Variants in TNR observed in about 807,000 individuals in gnomAD.
TNR encodes the protein tenascin-R.
TNR carries 45 observed loss-of-function variants against 150.4 expected under a neutral mutation model. The ratio of observed to expected loss-of-function variants is 0.30; its 90% CI spans 0.24 to 0.38. TNR has a LOEUF of 0.38. Among genes scored for constraint, TNR ranks in the 10% least tolerant of loss-of-function variants. The probability of loss-of-function intolerance (pLI) is 1.00; values close to 1 mark genes in which losing one functional copy is unlikely to be tolerated. For missense variants in TNR, 1,544 were observed against 1,759.1 expected (o/e 0.88, Z 2.19); for synonymous variants, 687 against 678.4 (o/e 1.01, Z -0.20).
chr1:175,594,607 T>C (rs1017736017), intron 1 of TNR, among the ~76,000 whole-genome samples: 2 of 152,128 alleles, frequency 1.3e-5, no homozygotes, highest in African/African-American at 4.8e-5. Flanking sequence ...GTAATCGCAA[T>C]ACTTTGGGAG....
intron 5 of TNR, among the ~76,000 whole-genome samples, chr1:175,394,433 T>C (rs937286927): frequency 6.6e-6 from 1 of 152,180 alleles, no homozygotes; most frequent in Non-Finnish European, 1.5e-5. Flanking sequence ...CTGATGCACA[T>C]TGAGAGTATT....
At chr1:175,359,800 A>C in intron 14 of TNR, 69 bp from the exon 15 acceptor site, 74 of 1,527,066 alleles carry the variant, frequency 4.8e-5, no homozygotes, top group Middle Eastern at 2.0e-4. Context: ...GAATGATCTC[A>C]GAAGTTCCAC....
chr1:175,737,957 C>A (rs1367044323), intron 1 of TNR, among the ~76,000 whole-genome samples: 8 of 152,214 alleles, frequency 5.3e-5, no homozygotes, highest in Non-Finnish European at 1.0e-4. Context: ...CCTCTTCCTG[C>A]CTGCTAGTAC....
At chr1:175,452,131 C>T (rs551927159) in intron 2 of TNR, among the ~76,000 whole-genome samples, 1 of 152,354 alleles carries the variant, frequency 6.6e-6, no homozygotes, top group South Asian at 2.1e-4. Flanking sequence ...TGCCTCCCTT[C>T]TGTCAGCTTC....
chr1:175,615,497 T>C (rs1663743107), intron 1 of TNR, among the ~76,000 whole-genome samples: 1 of 152,196 alleles, frequency 6.6e-6, no homozygotes. Context: ...AGGGATCCAA[T>C]GCCTGGAGGA....
chr1:175,366,913 C>A (rs1389570199), intron 10 of TNR, among the ~76,000 whole-genome samples: 1 of 152,198 alleles, frequency 6.6e-6, no homozygotes, highest in Admixed American at 6.5e-5. Context: ...ATATGGCCTG[C>A]AATGGCATCA....
At chr1:175,560,097 T>G (rs1372008658) in intron 1 of TNR, among the ~76,000 whole-genome samples, 1 of 152,216 alleles carries the variant, frequency 6.6e-6, no homozygotes, top group Non-Finnish European at 1.5e-5. Flanking sequence ...CCTTAAGTGT[T>G]TTTCACATGA....
At chr1:175,601,145 G>T (rs1223769179) in intron 1 of TNR, among the ~76,000 whole-genome samples, 3 of 152,172 alleles carry the variant, frequency 2.0e-5, no homozygotes, top group African/African-American at 7.2e-5. Flanking sequence ...TCTTCTGTTT[G>T]TGTTTAGCTG....
intron 1 of TNR, among the ~76,000 whole-genome samples, chr1:175,557,666 T>A (rs1661225693): frequency 6.6e-6 from 1 of 150,612 alleles, no homozygotes; most frequent in South Asian, 2.2e-4. Flanking sequence ...ACTTTTACAC[T>A]GTTGGTGGGA....
At chr1:175,668,058 A>G (rs549305319) in intron 1 of TNR, among the ~76,000 whole-genome samples, 13 of 152,318 alleles carry the variant, frequency 8.5e-5, no homozygotes, top group African/African-American at 2.9e-4. Context: ...CAAGGTCCCC[A>G]GGTGGTTCAT....
intron 1 of TNR, among the ~76,000 whole-genome samples, chr1:175,567,337 T>A (rs578027313): frequency 6.6e-6 from 1 of 152,170 alleles, no homozygotes; most frequent in Non-Finnish European, 1.5e-5. Flanking sequence ...CTGACAGTGC[T>A]GCGGGCTGAT....
At chr1:175,739,510 A>G (rs1243370571) in intron 1 of TNR, among the ~76,000 whole-genome samples, 1 of 152,016 alleles carries the variant, frequency 6.6e-6, no homozygotes, top group Admixed American at 6.6e-5. Flanking sequence ...ACACACACAC[A>G]CACGCACGCA....
chr1:175,330,801 G>T (rs937357810), intron 20 of TNR, among the ~76,000 whole-genome samples: 5 of 152,206 alleles, frequency 3.3e-5, no homozygotes, highest in South Asian at 4.1e-4. Flanking sequence ...TCTGCCTCCT[G>T]ACTCCAGTCC....
In TNR at chr1:175,656,384, T is replaced by G. The variant is rs111643894; in HGVS notation, c.-165+86842A>C. ...TCAGACGAAAATATTTTTCAGTTCC[T>G]ACTGACCGGACCTGGGTCTGAACCA... On this transcript the variant is annotated intron_variant, in intron 1 of 22. Coordinates refer to ENST00000367674, the MANE Select transcript of TNR (RefSeq NM_003285.3). Among the ~76,000 whole-genome samples the G allele has an allele frequency of 3.5e-3, 529 of 152,268 alleles. 4 individuals carry two copies. The highest frequency in any genetic ancestry group is 0.012 in the African/African-American group (513 of 41,544).
At chr1:175,565,530 T>C (rs939966998) in intron 1 of TNR, among the ~76,000 whole-genome samples, 33 of 152,122 alleles carry the variant, frequency 2.2e-4, no homozygotes, top group African/African-American at 7.7e-4. Context: ...CCCTAGAAAA[T>C]GTCCTCCCAG....
chr1:175,547,597 GAAAGAAAGAA>G (rs1660746458), intron 1 of TNR, among the ~76,000 whole-genome samples: 1 of 24,316 alleles, frequency 4.1e-5, no homozygotes, highest in Non-Finnish European at 1.4e-4. Flanking sequence ...AAGAAAGAAA[GAAAGAAAGAA>G]AGAAACAAAG....
intron 2 of TNR, among the ~76,000 whole-genome samples, chr1:175,526,261 G>T (rs904924670): frequency 6.6e-6 from 1 of 151,806 alleles, no homozygotes; most frequent in African/African-American, 2.4e-5. Flanking sequence ...AAAGTAAATG[G>T]CTAAATAATA....
intron 1 of TNR, among the ~76,000 whole-genome samples, chr1:175,601,919 T>C (rs948371889): frequency 1.3e-5 from 2 of 152,042 alleles, no homozygotes; most frequent in African/African-American, 4.8e-5. Context: ...AGAAAAGCCA[T>C]GAATAAATGC....
chr1:175,324,567 A>G (rs1158014878), intron 21 of TNR, 48 bp from the exon 22 acceptor site: 3 of 1,595,786 alleles, frequency 1.9e-6, no homozygotes, highest in Non-Finnish European at 2.6e-6. Flanking sequence ...TCACTGCTTT[A>G]TCAGGATTTT....
Sources: allele counts gnomAD v4.1 joint callset (sites outside exome capture counted in the v4.1 genomes callset), GRCh38; gene constraint gnomAD v4.1.1; transcripts MANE v1.5; gene names NCBI Gene and HGNC (gene_info 2026-07-23, HGNC 2026-07-21).